NRXN1: variants seen among roughly 807,000 people sequenced by gnomAD.
NRXN1 encodes neurexin-1.
NRXN1 carries 39 observed loss-of-function variants against 150.9 expected under a neutral mutation model. The ratio of observed to expected loss-of-function variants is 0.26; its 90% CI spans 0.20 to 0.34. The LOEUF (loss-of-function observed/expected upper bound fraction) is 0.34. Among genes scored for constraint, NRXN1 ranks in the 10% least tolerant of loss-of-function variants. NRXN1 has a pLI of 1.00. For missense variants in NRXN1, 1,815 were observed against 1,949.9 expected, an observed-to-expected ratio of 0.93 and a Z score of 1.30; for synonymous variants, 924 against 757.0, an observed-to-expected ratio of 1.22 and a Z score of -3.62.
intron 21 of NRXN1, among the ~76,000 whole-genome samples, chr2:49,973,447 C>T (rs1347251332): frequency 6.6e-6 from 1 of 152,046 alleles, no homozygotes; most frequent in Non-Finnish European, 1.5e-5. Flanking sequence ...TACAAATGCT[C>T]ATGAAAATCC....
chr2:50,584,288 G>T (rs1471147034), intron 8 of NRXN1, among the ~76,000 whole-genome samples: 8 of 152,100 alleles, frequency 5.3e-5, no homozygotes, highest in African/African-American at 1.4e-4. Context: ...ATGCTAAAAA[G>T]ATATCCTTCA....
At chr2:50,547,571 C>T (rs2093523180) in intron 9 of NRXN1, 1 of 152,198 alleles carries the variant, frequency 6.6e-6, no homozygotes, top group African/African-American at 2.4e-5. Context: ...AACAAAAACG[C>T]TCAGCTGTAA....
At chr2:50,643,083 T>C (rs377287464) in intron 5 of NRXN1, among the ~76,000 whole-genome samples, 75 of 152,106 alleles carry the variant, frequency 4.9e-4, no homozygotes, top group African/African-American at 1.7e-3. Flanking sequence ...CTTTAAAGTA[T>C]ATCCTATGTA....
chr2:50,222,086 G>A (rs949672861), intron 18 of NRXN1, among the ~76,000 whole-genome samples: 3 of 151,988 alleles, frequency 2.0e-5, no homozygotes, highest in African/African-American at 7.2e-5. Flanking sequence ...GAAGAACACA[G>A]AGGTAGACTC....
intron 21 of NRXN1, among the ~76,000 whole-genome samples, chr2:49,963,168 A>G (rs1238473871): frequency 2.0e-5 from 3 of 152,154 alleles, no homozygotes; most frequent in African/African-American, 7.2e-5. Flanking sequence ...TATTTATCTG[A>G]TAATTCAATT....
chr2:49,933,338 G>A (rs962349337), intron 22 of NRXN1, among the ~76,000 whole-genome samples: 10 of 151,918 alleles, frequency 6.6e-5, no homozygotes, highest in African/African-American at 1.5e-4. Flanking sequence ...CGCCCGCCTC[G>A]GCCTCCCAAA....
At chr2:50,323,237 A>T (rs1412643774) in intron 17 of NRXN1, among the ~76,000 whole-genome samples, 1 of 152,182 alleles carries the variant, frequency 6.6e-6, no homozygotes, top group East Asian at 1.9e-4. Context: ...GTGCTGGTTA[A>T]ACTACAAATT....
At chr2:50,984,497 C>T (rs973078084) in intron 2 of NRXN1, among the ~76,000 whole-genome samples, 2 of 151,914 alleles carry the variant, frequency 1.3e-5, no homozygotes, top group African/African-American at 4.8e-5. Flanking sequence ...TATGTGCCTA[C>T]TATATACAGG....
chr2:50,596,641 C>T (rs952815566), intron 8 of NRXN1, among the ~76,000 whole-genome samples: 3 of 152,084 alleles, frequency 2.0e-5, no homozygotes, highest in African/African-American at 7.2e-5. Context: ...AAGGGCTCAG[C>T]CAGGTCAAAA....
At chr2:50,855,638 G>A (rs1318656293) in intron 5 of NRXN1, among the ~76,000 whole-genome samples, 10 of 152,078 alleles carry the variant, frequency 6.6e-5, no homozygotes, top group Admixed American at 3.3e-4. Flanking sequence ...AGATTTGGCC[G>A]AAAGAAAGTA....
intron 17 of NRXN1, among the ~76,000 whole-genome samples, chr2:50,393,744 C>T (rs779084200): frequency 1.3e-5 from 2 of 152,102 alleles, no homozygotes; most frequent in Non-Finnish European, 2.9e-5. Flanking sequence ...AGGACTTTCT[C>T]CCTACATGAG....
chr2:50,226,190 T>C (rs1357772738), intron 18 of NRXN1, among the ~76,000 whole-genome samples: 1 of 152,002 alleles, frequency 6.6e-6, no homozygotes, highest in Non-Finnish European at 1.5e-5. Context: ...TTTTTTCCTT[T>C]TGAAGTTTTA....
At chr2:50,159,858 A>G (rs937422451) in intron 18 of NRXN1, among the ~76,000 whole-genome samples, 1 of 152,180 alleles carries the variant, frequency 6.6e-6, no homozygotes, top group African/African-American at 2.4e-5. Context: ...TTCCAAAAAT[A>G]TTTTGAATCA....
At chr2:50,647,928 G>A (rs180753573) in intron 5 of NRXN1, among the ~76,000 whole-genome samples, 27 of 151,844 alleles carry the variant, frequency 1.8e-4, no homozygotes, top group African/African-American at 6.5e-4. Flanking sequence ...CTGTACATGT[G>A]TGTATATACA....
At chr2:50,932,040 T>G (rs1411583165) in intron 2 of NRXN1, among the ~76,000 whole-genome samples, 2 of 152,110 alleles carry the variant, frequency 1.3e-5, no homozygotes, top group Admixed American at 6.6e-5. Context: ...TTTTGCATTT[T>G]TTTAGTAGAC....
intron 18 of NRXN1, among the ~76,000 whole-genome samples, chr2:50,180,906 T>C (rs537969863): frequency 6.6e-6 from 1 of 152,174 alleles, no homozygotes; most frequent in Non-Finnish European, 1.5e-5. Flanking sequence ...TTAATTTTTT[T>C]AAAAACAGTT....
intron 21 of NRXN1, among the ~76,000 whole-genome samples, chr2:50,005,491 C>G (rs892699667): frequency 5.3e-5 from 8 of 152,114 alleles, no homozygotes; most frequent in African/African-American, 1.7e-4. Context: ...CCATGAGAGT[C>G]TCCTTACTCA....
chr2:50,632,564 TGTATTGTAACCCGATCCCCAAGG>T (rs1682528402), intron 5 of NRXN1: 1 of 152,090 alleles, frequency 6.6e-6, no homozygotes, highest in African/African-American at 2.4e-5. Context: ...GTGCAAACTC[TGTATTGTAACCCGATCCCCAAGG>T]TGATTCTAGT....
intron 15 of NRXN1, among the ~76,000 whole-genome samples, chr2:50,478,486 A>C (rs1209608360): frequency 2.0e-5 from 3 of 151,740 alleles, no homozygotes. Flanking sequence ...TCTGTAATAA[A>C]TCTCCATTTT....
Sources: gnomAD v4.1 joint callset for allele counts (sites outside exome capture counted in the v4.1 genomes callset) on GRCh38, gnomAD v4.1.1 for gene constraint, MANE v1.5 for transcripts, NCBI Gene and HGNC (gene_info 2026-07-23, HGNC 2026-07-21) for gene names.